The following IQCM variants were observed in gnomAD, a reference collection of about 807,000 sequenced individuals.
IQCM encodes IQ domain-containing protein M.
A neutral mutation model predicts 57.6 loss-of-function variants in IQCM; 45 were observed. The observed-to-expected ratio is 0.78, with a 90% CI of 0.62 to 1.00. IQCM has a LOEUF of 1.00. Among genes scored for constraint, IQCM ranks in the 50% least tolerant of loss-of-function variants. The pLI, the probability that IQCM is intolerant of heterozygous loss-of-function variation, is 0.00. For missense variants in IQCM, 468 were observed against 511.6 expected, an observed-to-expected ratio of 0.91 and a Z score of 0.82; for synonymous variants, 148 against 158.9, an observed-to-expected ratio of 0.93 and a Z score of 0.51.
At chr4:149,593,601 C>G (rs1230242588) in intron 8 of IQCM, among the ~76,000 whole-genome samples, 12 of 151,912 alleles carry the variant, frequency 7.9e-5, no homozygotes, top group East Asian at 3.9e-4. Context: ...GTTTGTCATA[C>G]ATAGCTCTTA....
chr4:149,740,669 C>T (rs558304416), intron 3 of IQCM, among the ~76,000 whole-genome samples: 1 of 109,054 alleles, frequency 9.2e-6, no homozygotes, highest in East Asian at 3.2e-4. Flanking sequence ...CTTGGGGGTG[C>T]TTCCTTCTTT....
chr4:149,707,184 A>C (rs1331526107), intron 5 of IQCM, among the ~76,000 whole-genome samples: 1 of 152,034 alleles, frequency 6.6e-6, no homozygotes, highest in East Asian at 1.9e-4. Flanking sequence ...AAACTGGCTA[A>C]TGGTAGTAGC....
At chr4:149,604,420 A>G (rs1052416153) in intron 8 of IQCM, among the ~76,000 whole-genome samples, 1 of 152,204 alleles carries the variant, frequency 6.6e-6, no homozygotes, top group African/African-American at 2.4e-5. Context: ...ACAGCTCATC[A>G]GCCTAAAGGT....
intron 12 of IQCM, among the ~76,000 whole-genome samples, chr4:149,511,384 C>T (rs1367936321): frequency 6.6e-6 from 1 of 151,582 alleles, no homozygotes; most frequent in Non-Finnish European, 1.5e-5. Flanking sequence ...AACAATTAGC[C>T]AGACATGGTG....
At chr4:149,358,882 A>AGCATATCATGATATCC in intron 13 of IQCM, among the ~76,000 whole-genome samples, 1 of 151,470 alleles carries the variant, frequency 6.6e-6, no homozygotes. Context: ...ATATCATGAG[A>AGCATATCATGATATCC]CCACAGTGGA....
chr4:149,457,176 T>C (rs2149704340), intron 12 of IQCM, among the ~76,000 whole-genome samples: 1 of 152,228 alleles, frequency 6.6e-6, no homozygotes. Context: ...TCTCACTTGC[T>C]TATAACTAGA....
At chr4:149,360,143 G>A (rs540463363) in intron 13 of IQCM, among the ~76,000 whole-genome samples, 1 of 152,140 alleles carries the variant, frequency 6.6e-6, no homozygotes, top group South Asian at 2.1e-4. Flanking sequence ...GCAAAATACA[G>A]TTCTAGATGG....
In IQCM at chr4:149,527,521, C is replaced by T. The variant is rs74837893; in HGVS notation, c.1228+20934G>A. ...CTCACCAGACACTGAATTTGGCAGC[C>T]CCTTGATCTTGAACTTCCCAGTTTC... On this transcript the variant is annotated intron_variant, in intron 12 of 13. Coordinates refer to ENST00000636793, the MANE Select transcript of IQCM (RefSeq NM_001363507.2). Among the ~76,000 whole-genome samples the T allele has an allele frequency of 1.5e-3, 231 of 152,232 alleles. 1 individual carries two copies. In the East Asian group the frequency reaches 0.033, roughly 22 times the overall value.
chr4:149,749,115 T>G (rs1768199888), intron 2 of IQCM, among the ~76,000 whole-genome samples: 1 of 152,198 alleles, frequency 6.6e-6, no homozygotes. Flanking sequence ...CACTGCCTGT[T>G]GCAGTGTTAG....
At chr4:149,619,131 T>C (rs996815946) in intron 8 of IQCM, among the ~76,000 whole-genome samples, 21 of 142,002 alleles carry the variant, frequency 1.5e-4, no homozygotes, top group African/African-American at 3.9e-4. Context: ...TATATATATA[T>C]ACACCATGGA....
At chr4:149,699,646 C>G (rs1763611818) in intron 5 of IQCM, among the ~76,000 whole-genome samples, 1 of 128,678 alleles carries the variant, frequency 7.8e-6, no homozygotes, top group Non-Finnish European at 1.5e-5. Flanking sequence ...AGAGTCAGAG[C>G]TTTGTGAGCA....
At chr4:149,731,782 G>T (rs1343923956) in intron 5 of IQCM, among the ~76,000 whole-genome samples, 1 of 152,148 alleles carries the variant, frequency 6.6e-6, no homozygotes, top group African/African-American at 2.4e-5. Flanking sequence ...ACAGTAAACA[G>T]ATTTCTTTTC....
At chr4:149,791,262 C>G (rs1246444488) in intron 2 of IQCM, among the ~76,000 whole-genome samples, 2 of 151,950 alleles carry the variant, frequency 1.3e-5, no homozygotes, top group Non-Finnish European at 2.9e-5. Context: ...TATTGACTCT[C>G]ATTATTTTTA....
rs140285236 is a variant in IQCM at position 149,413,195 on chromosome 4, T to C, written c.1390+20201A>G. On this transcript the variant is annotated intron_variant, in intron 13 of 13. Coordinates refer to ENST00000636793, the MANE Select transcript of IQCM (RefSeq NM_001363507.2). ...TACCTAATAGTTCATTCTATGTCTGTTTACCCTATTTTAGAAACTACTCAT... is the reference window on the plus strand; with the variant it reads ...TACCTAATAGTTCATTCTATGTCTGCTTACCCTATTTTAGAAACTACTCAT... Among the ~76,000 whole-genome samples, 6 of 152,340 alleles carry C rather than the reference T, an allele frequency of 3.9e-5. 1 individual carries two copies. The East Asian group carries it at 1.2e-3, about 29-fold the overall frequency.
intron 13 of IQCM, among the ~76,000 whole-genome samples, chr4:149,387,979 T>A (rs966414692): frequency 6.6e-6 from 1 of 152,012 alleles, no homozygotes; most frequent in African/African-American, 2.4e-5. Flanking sequence ...TAGCTCAACA[T>A]TTTCAAGGTT....
intron 5 of IQCM, among the ~76,000 whole-genome samples, chr4:149,712,755 G>A (rs1440841552): frequency 6.6e-6 from 1 of 152,098 alleles, no homozygotes; most frequent in East Asian, 1.9e-4. Flanking sequence ...ATTGAATTCT[G>A]CCCCCAGTCA....
rs1489179150 is a variant in IQCM at position 149,815,804 on chromosome 4, A to G, written c.-291T>C. 6.6e-6 allele frequency: 1 copy of G among 151,906 alleles called. No homozygotes were observed. Among genetic ancestry groups the G allele is most frequent in the Non-Finnish European group, 1.5e-5 (1 of 67,870 alleles). The allele number at this position is 151,906 out of a possible 1,614,324, so 9.4% of individuals were successfully genotyped here. A position where few individuals can be genotyped will look rare whatever the true frequency, so the allele number is the denominator to read the frequency against. On this transcript the variant is annotated 5_prime_UTR_variant, in exon 1 of 14. Transcript: ENST00000636793. The stretch of plus-strand genomic sequence containing the variant: ...TCAAATAGATTCCTAAATCCTGCCA[A>G]TCTTCTGATTGCTTCTTCTCACATA...
rs531402581 is a variant in IQCM at position 149,547,875 on chromosome 4, G to A, written c.1228+580C>T. Among the ~76,000 whole-genome samples the A allele has an allele frequency of 5.3e-5, 8 of 152,234 alleles. No individual in the cohort carries two copies. In the East Asian group the frequency reaches 1.5e-3, roughly 29 times the overall value. ...AAAATATTAAAGGAAAATTCATTGA[G>A]ATGTTTTCATACTTTTGTGACAATT... On this transcript the variant is annotated intron_variant, in intron 12 of 13. Transcript: ENST00000636793.
In IQCM at chr4:149,653,426, C is replaced by T. The variant is rs1020149639; in HGVS notation, c.565+28692G>A. 2.6e-5 allele frequency among the ~76,000 whole-genome samples: 4 copies of T among 152,262 alleles called. No individual in the cohort carries two copies. In the East Asian group the frequency reaches 5.8e-4, roughly 22 times the overall value. ...AGGGTCTCATGCCTATGAAGCCAAC[C>T]TCTCTTTCTTTCTATGTATATATCT... is the stretch of plus-strand genomic sequence containing the variant. On this transcript the variant is annotated intron_variant, in intron 7 of 13. Transcript: ENST00000636793.
Sources: allele counts gnomAD v4.1 joint callset (sites outside exome capture counted in the v4.1 genomes callset), GRCh38; gene constraint gnomAD v4.1.1; transcripts MANE v1.5; gene names NCBI Gene and HGNC (gene_info 2026-07-23, HGNC 2026-07-21).